The following ARHGEF28 variants were observed in gnomAD, a reference collection of about 807,000 sequenced individuals.
ARHGEF28 encodes the protein Rho guanine nucleotide exchange factor 28.
Under a neutral mutation model 206.6 loss-of-function variants are expected in ARHGEF28, and 152 were observed. The ratio of observed to expected loss-of-function variants is 0.74; its 90% confidence interval spans 0.64 to 0.84. The LOEUF (loss-of-function observed/expected upper bound fraction) is 0.84. Among genes scored for constraint, ARHGEF28 ranks in the 40% least tolerant of loss-of-function variants. ARHGEF28 has a pLI of 0.00. For synonymous variants in ARHGEF28, 763 were observed against 776.4 expected (o/e 0.98, Z 0.29); for missense variants, 2,028 against 2,073.2 (o/e 0.98, Z 0.42).
intron 2 of ARHGEF28, among the ~76,000 whole-genome samples, chr5:73,730,088 G>A (rs896353839): frequency 1.3e-5 from 2 of 152,082 alleles, no homozygotes; most frequent in African/African-American, 4.8e-5. Flanking sequence ...TTTTTCTAAG[G>A]TTCAAGTTTA....
intron 1 of ARHGEF28, among the ~76,000 whole-genome samples, chr5:73,660,989 G>C (rs942622579): frequency 2.0e-5 from 3 of 152,198 alleles, no homozygotes; most frequent in Admixed American, 1.3e-4. Context: ...TAATGAGAGA[G>C]TCAGCCTGTC....
chr5:73,704,329 A>G (rs1470573496), intron 2 of ARHGEF28, among the ~76,000 whole-genome samples: 1 of 152,212 alleles, frequency 6.6e-6, no homozygotes, highest in African/African-American at 2.4e-5. Flanking sequence ...TCACATGGAA[A>G]AGACCAAATA....
chr5:73,868,791 T>C (rs1759877996), intron 20 of ARHGEF28, among the ~76,000 whole-genome samples: 1 of 152,004 alleles, frequency 6.6e-6, no homozygotes, highest in African/African-American at 2.4e-5. Flanking sequence ...GGAGTACAGG[T>C]GCGCATCACC....
chr5:73,810,580 T>G (rs1755783836), intron 9 of ARHGEF28, among the ~76,000 whole-genome samples: 1 of 151,802 alleles, frequency 6.6e-6, no homozygotes, highest in South Asian at 2.1e-4. Context: ...CCTAGTTGAG[T>G]GACTCTAAAA....
chr5:73,648,235 A>C (rs1744565588), intron 1 of ARHGEF28, among the ~76,000 whole-genome samples: 1 of 152,162 alleles, frequency 6.6e-6, no homozygotes, highest in Non-Finnish European at 1.5e-5. Flanking sequence ...CTCTGTTTCC[A>C]CAAATCATGT....
intron 12 of ARHGEF28, among the ~76,000 whole-genome samples, chr5:73,846,765 C>G (rs544441578): frequency 6.6e-6 from 1 of 152,214 alleles, no homozygotes; most frequent in African/African-American, 2.4e-5. Context: ...AATGATTTCT[C>G]CCATCATCTC....
chr5:73,792,702 A>G (rs1331373599), intron 7 of ARHGEF28, among the ~76,000 whole-genome samples: 2 of 96,388 alleles, frequency 2.1e-5, no homozygotes, highest in African/African-American at 8.0e-5. Context: ...CCCAATTTTT[A>G]GTGTTTGAGT....
intron 35 of ARHGEF28, among the ~76,000 whole-genome samples, chr5:73,913,563 G>A (rs548190222): frequency 4.6e-5 from 7 of 152,294 alleles, no homozygotes; most frequent in East Asian, 1.9e-4. Flanking sequence ...CTCCGTGGGC[G>A]CTTGCCACAC....
chr5:73,935,138 A>G (rs1329967514), intron 35 of ARHGEF28, among the ~76,000 whole-genome samples: 1 of 152,162 alleles, frequency 6.6e-6, no homozygotes, highest in African/African-American at 2.4e-5. Context: ...TATAGCCCAT[A>G]TTGACTATTC....
intron 9 of ARHGEF28, among the ~76,000 whole-genome samples, chr5:73,819,001 G>A (rs1183920160): frequency 6.6e-6 from 1 of 152,174 alleles, no homozygotes; most frequent in Non-Finnish European, 1.5e-5. Context: ...TACTGTCAAA[G>A]TTCAAGGCAA....
intron 6 of ARHGEF28, chr5:73,778,306 C>T (rs1278689091): frequency 6.6e-6 from 1 of 152,176 alleles, no homozygotes; most frequent in Non-Finnish European, 1.5e-5. Context: ...ACATTTGCTT[C>T]ATTATAAAAT....
At chr5:73,808,799 G>T (rs761802406) in intron 9 of ARHGEF28, among the ~76,000 whole-genome samples, 19 of 152,102 alleles carry the variant, frequency 1.2e-4, no homozygotes, top group Admixed American at 7.9e-4. Flanking sequence ...GAGTAGAGAA[G>T]CAAAGCAAAT....
At chr5:73,938,589 C>A (rs1311057934) in intron 35 of ARHGEF28, among the ~76,000 whole-genome samples, 2 of 152,116 alleles carry the variant, frequency 1.3e-5, no homozygotes, top group African/African-American at 2.4e-5. Context: ...GTGACCTGTT[C>A]AGTCTGCCAG....
chr5:73,813,425 C>A, intron 9 of ARHGEF28: 2 of 1,377,444 alleles, frequency 1.5e-6, no homozygotes, highest in Non-Finnish European at 1.9e-6. Flanking sequence ...CCGAAGGAAG[C>A]AAAACATTTA....
intron 2 of ARHGEF28, among the ~76,000 whole-genome samples, chr5:73,708,070 C>T (rs993772511): frequency 6.6e-6 from 1 of 151,988 alleles, no homozygotes; most frequent in Non-Finnish European, 1.5e-5. Context: ...TAACCTCTAC[C>T]TTCTGAGAGA....
intron 9 of ARHGEF28, 138 bp from the exon 10 acceptor site, chr5:73,832,200 T>C: frequency 3.6e-6 from 4 of 1,105,186 alleles, no homozygotes; most frequent in Middle Eastern, 2.1e-4. Flanking sequence ...ATTACTTGCA[T>C]GTAGATCTTA....
intron 2 of ARHGEF28, among the ~76,000 whole-genome samples, chr5:73,714,636 G>A (rs570352527): frequency 6.6e-6 from 1 of 152,272 alleles, no homozygotes; most frequent in Non-Finnish European, 1.5e-5. Flanking sequence ...CTGGGTGTAT[G>A]ACTCTGTGTG....
At chr5:73,757,200 G>T (rs1271136228) in intron 4 of ARHGEF28, among the ~76,000 whole-genome samples, 1 of 152,048 alleles carries the variant, frequency 6.6e-6, no homozygotes, top group African/African-American at 2.4e-5. Flanking sequence ...TTATAATAAT[G>T]ATGTGAAAAA....
At chr5:73,868,670 G>A (rs576291374) in intron 20 of ARHGEF28, among the ~76,000 whole-genome samples, 7 of 152,182 alleles carry the variant, frequency 4.6e-5, no homozygotes, top group South Asian at 4.2e-4. Flanking sequence ...GTTTTGTGAT[G>A]GAGTCTCACT....
Sources: gnomAD v4.1 joint callset for allele counts (sites outside exome capture counted in the v4.1 genomes callset) on GRCh38, gnomAD v4.1.1 for gene constraint, MANE v1.5 for transcripts, NCBI Gene and HGNC (gene_info 2026-07-23, HGNC 2026-07-21) for gene names.